The following ADCY8 variants were observed in gnomAD, a reference collection of about 807,000 sequenced individuals.
The protein encoded by ADCY8 is adenylate cyclase type 8.
In ADCY8, 51 loss-of-function variants were observed where a neutral mutation model predicts 119.7. The observed-to-expected ratio is 0.43, with a 90% CI of 0.34 to 0.54. The LOEUF (loss-of-function observed/expected upper bound fraction) is 0.54. ADCY8 is among the 20% of genes least tolerant of loss of function. The probability of loss-of-function intolerance (pLI) is 0.03; values close to 1 mark genes in which losing one functional copy is unlikely to be tolerated. For synonymous variants in ADCY8, 665 were observed against 651.0 expected (o/e 1.02, Z -0.33); for missense variants, 1,383 against 1,598.8 (o/e 0.87, Z 2.30).
At chr8:130,824,252 T>C (rs1816605556) in intron 12 of ADCY8, among the ~76,000 whole-genome samples, 1 of 152,260 alleles carries the variant, frequency 6.6e-6, no homozygotes. Context: ...TAATAATGAC[T>C]GTAAGTGCTA....
At chr8:130,868,494 G>A (rs1818210182) in intron 8 of ADCY8, among the ~76,000 whole-genome samples, 1 of 152,192 alleles carries the variant, frequency 6.6e-6, no homozygotes, top group South Asian at 2.1e-4. Context: ...TGCCCTTCGT[G>A]TCTGCTCAAG....
At chr8:130,817,637 C>A (rs1280168265) in intron 13 of ADCY8, among the ~76,000 whole-genome samples, 1 of 152,106 alleles carries the variant, frequency 6.6e-6, no homozygotes, top group Non-Finnish European at 1.5e-5. Context: ...CTAATAATTG[C>A]AATGAATTGA....
intron 12 of ADCY8, among the ~76,000 whole-genome samples, chr8:130,822,555 C>G (rs1413372850): frequency 2.0e-5 from 3 of 150,948 alleles, no homozygotes; most frequent in African/African-American, 4.9e-5. Flanking sequence ...TCCATCCATC[C>G]ATCCATCCAT....
chr8:130,810,152 C>T (rs1816116273), intron 14 of ADCY8, among the ~76,000 whole-genome samples: 1 of 152,170 alleles, frequency 6.6e-6, no homozygotes, highest in South Asian at 2.1e-4. Flanking sequence ...CTCCGTGAAA[C>T]TCACAGATGT....
At chr8:130,937,693 C>T (rs1820829713) in intron 4 of ADCY8, among the ~76,000 whole-genome samples, 1 of 152,180 alleles carries the variant, frequency 6.6e-6, no homozygotes, top group Non-Finnish European at 1.5e-5. Flanking sequence ...AGGACATTTG[C>T]ACTTTATGAG....
intron 5 of ADCY8, among the ~76,000 whole-genome samples, chr8:130,924,084 T>C (rs1183642096): frequency 2.0e-5 from 3 of 152,216 alleles, no homozygotes; most frequent in Non-Finnish European, 4.4e-5. Flanking sequence ...AATCTGGAGT[T>C]GGGAGGTGGG....
chr8:130,809,142 T>C (rs1816080890), intron 14 of ADCY8, among the ~76,000 whole-genome samples: 1 of 152,176 alleles, frequency 6.6e-6, no homozygotes, highest in South Asian at 2.1e-4. Flanking sequence ...CCACCGCCTG[T>C]GTTTGGATGG....
chr8:130,869,753 G>A (rs1818269502), intron 8 of ADCY8, among the ~76,000 whole-genome samples: 1 of 151,766 alleles, frequency 6.6e-6, no homozygotes, highest in Non-Finnish European at 1.5e-5. Flanking sequence ...TCCTGACCTG[G>A]TGATCCACCT....
In ADCY8 at chr8:130,824,425, A is replaced by G. The variant is rs141315584; in HGVS notation, c.2676-3005T>C. On this transcript the variant is annotated intron_variant, in intron 12 of 17. Transcript: ENST00000286355. ...AGCGAACAGTGAAGACTAGCTATCAATTCAGATCTCAGTGGTATTTTTCAG... is the reference window on the plus strand; with the variant it reads ...AGCGAACAGTGAAGACTAGCTATCAGTTCAGATCTCAGTGGTATTTTTCAG... 3.7e-3 allele frequency among the ~76,000 whole-genome samples: 560 copies of G among 152,308 alleles called. 2 individuals are homozygous for G. The highest frequency in any genetic ancestry group is 0.013 in the African/African-American group (533 of 41,576).
rs899452621 is a variant in ADCY8 at position 131,025,677 on chromosome 8, C to G, written c.960+13697G>C. ...TAAGAATAATTTCCTCATCTCAGGT[C>G]TAGTCAGGATTTTCCTTTTAAATAG... On this transcript the variant is annotated intron_variant, in intron 1 of 17. Coordinates refer to ENST00000286355, the MANE Select transcript of ADCY8 (RefSeq NM_001115.3). 1.6e-4 allele frequency among the ~76,000 whole-genome samples: 24 copies of G among 152,190 alleles called. 1 individual carries two copies. The highest frequency in any genetic ancestry group is 1.6e-3 in the Admixed American group (24 of 15,286).
intron 12 of ADCY8, among the ~76,000 whole-genome samples, chr8:130,824,606 AT>A (rs1816617895): frequency 6.6e-6 from 1 of 152,230 alleles, no homozygotes; most frequent in South Asian, 2.1e-4. Flanking sequence ...ACATGGACGA[AT>A]TCACGAAGGT....
intron 2 of ADCY8, among the ~76,000 whole-genome samples, chr8:130,976,256 C>T (rs1473615189): frequency 2.0e-5 from 3 of 152,138 alleles, no homozygotes; most frequent in African/African-American, 4.8e-5. Context: ...TAGGGCCCCT[C>T]TGAAGGCCTT....
chr8:130,939,350 A>T (rs576888393), intron 4 of ADCY8, among the ~76,000 whole-genome samples: 38 of 152,292 alleles, frequency 2.5e-4, no homozygotes, highest in Non-Finnish European at 4.6e-4. Context: ...ATTTTTGTGT[A>T]TGAAGGAGAA....
At chr8:130,976,019 TA>T (rs34559288) in intron 2 of ADCY8, among the ~76,000 whole-genome samples, 37,687 of 151,950 alleles carry the variant, frequency 0.25, 6,584 homozygotes, top group African/African-American at 0.5. Context: ...TTCAGTATGC[TA>T]AAAAAAACCA....
chr8:131,000,453 T>C (rs1822907113), intron 1 of ADCY8, among the ~76,000 whole-genome samples: 1 of 152,150 alleles, frequency 6.6e-6, no homozygotes, highest in Non-Finnish European at 1.5e-5. Flanking sequence ...CTAGCTAGCA[T>C]TTGTTGAGCA....
chr8:130,794,648 A>G (rs1428717713), intron 15 of ADCY8, among the ~76,000 whole-genome samples: 1 of 152,222 alleles, frequency 6.6e-6, no homozygotes, highest in Non-Finnish European at 1.5e-5. Flanking sequence ...TTATGTGCCA[A>G]GTGTATTAGT....
chr8:130,840,288 A>G lies in ADCY8; in HGVS notation c.2503-3839T>C, dbSNP rs1817100435. ...ACACACATTTAGCATCATTCAGCTG[A>G]ACTTACAGGTGTGGAAGAAACCACT... On this transcript the variant is annotated intron_variant, in intron 11 of 17. Transcript: ENST00000286355. Among the ~76,000 whole-genome samples, 2 of 138,050 alleles carry G rather than the reference A, an allele frequency of 1.4e-5. 1 individual carries two copies. The highest frequency in any genetic ancestry group is 6.1e-4 in the South Asian group (2 of 3,290). 90.6% of individuals were successfully genotyped at this position (138,050 alleles called of 152,430 possible).
intron 1 of ADCY8, among the ~76,000 whole-genome samples, chr8:131,001,646 T>C (rs1268454679): frequency 6.7e-6 from 1 of 149,206 alleles, no homozygotes; most frequent in African/African-American, 2.4e-5. Context: ...ATATATACTG[T>C]ATATGAATAT....
In ADCY8 at chr8:131,040,458, T is replaced by C; in HGVS notation, c.-125A>G. The C allele has an allele frequency of 2.4e-6, 3 of 1,229,572 alleles. No individual in the cohort carries two copies. Among genetic ancestry groups the C allele is most frequent in the South Asian group, 4.6e-5 (2 of 43,020 alleles). The allele number at this position is 1,229,572 out of a possible 1,614,324, so 76.2% of individuals were successfully genotyped here. A position where few individuals can be genotyped will look rare whatever the true frequency, so the allele number is the denominator to read the frequency against. ...ATCCTTTTTATCCTAGGCTGCCCCG[T>C]TGCAGGAGCCCTGCGCTAGGGCTCC... On this transcript the variant is annotated 5_prime_UTR_variant, in exon 1 of 18. Transcript: ENST00000286355.
Sources: allele counts gnomAD v4.1 joint callset (sites outside exome capture counted in the v4.1 genomes callset), GRCh38; gene constraint gnomAD v4.1.1; transcripts MANE v1.5; gene names NCBI Gene and HGNC (gene_info 2026-07-23, HGNC 2026-07-21).